Variants in CD274 observed in about 807,000 individuals in gnomAD.
CD274 encodes the protein CD274 molecule.
In CD274, 8 loss-of-function variants were observed where a neutral mutation model predicts 30.1. The observed-to-expected ratio is 0.27, with a 90% CI of 0.16 to 0.48. The LOEUF (loss-of-function observed/expected upper bound fraction) is 0.48. Ranked by LOEUF, CD274 falls within the 20% of genes least tolerant of loss-of-function variation. CD274 has a pLI of 0.99. For missense variants in CD274, 353 were observed against 346.6 expected (o/e 1.02, Z -0.15); for synonymous variants, 152 against 124.6 (o/e 1.22, Z -1.46).
intron 2 of CD274, 58 bp from the exon 3 acceptor site, chr9:5,457,021 T>C (rs1819315681): frequency 8.1e-7 from 1 of 1,235,864 alleles, no homozygotes; most frequent in Non-Finnish European, 1.1e-6. Context: ...CTGTGCCAAT[T>C]TTGTAAATGT....
In CD274 at chr9:5,456,102, C is replaced by T. The variant is rs780161012; in HGVS notation, c.-12C>T. ...CTTTTCGTGTTTTCCATAATTAGGGCATTCCAGAAAGATGAGGATATTTGC... is the reference window on the plus strand; with the variant it reads ...CTTTTCGTGTTTTCCATAATTAGGGTATTCCAGAAAGATGAGGATATTTGC... On this transcript the variant is annotated splice_region_variant and 5_prime_UTR_variant, in exon 2 of 7. Transcript: ENST00000381577. The T allele has an allele frequency of 1.3e-6, 2 of 1,584,278 alleles. No homozygotes were observed. The highest frequency in any genetic ancestry group is 2.2e-5 in the South Asian group (2 of 90,202).
chr9:5,467,183 C>T lies in CD274; in HGVS notation c.850+354C>T, dbSNP rs1242116912. 2.2e-5 allele frequency among the ~76,000 whole-genome samples: 3 copies of T among 138,700 alleles called. No individual in the cohort carries two copies. In the Admixed American group the frequency reaches 2.3e-4, roughly 11 times the overall value. The allele number at this position is 138,700 out of a possible 152,430, so 91.0% of individuals were successfully genotyped here. A position where few individuals can be genotyped will look rare whatever the true frequency, so the allele number is the denominator to read the frequency against. On this transcript the variant is annotated intron_variant, in intron 6 of 6. Coordinates refer to ENST00000381577, the MANE Select transcript of CD274 (RefSeq NM_014143.4). ...CATGCACGGTATCTCATTTAATCCC[C>T]CACCCCTTGCCATTACCAAAGAGAG... is the stretch of plus-strand genomic sequence containing the variant.
At chr9:5,460,884 T>C (rs1327820862) in intron 3 of CD274, among the ~76,000 whole-genome samples, 1 of 152,208 alleles carries the variant, frequency 6.6e-6, no homozygotes, top group African/African-American at 2.4e-5. Context: ...TCTGTTAATA[T>C]ATAAGTTGTA....
At chr9:5,455,608 A>G (rs1239251544) in intron 1 of CD274, among the ~76,000 whole-genome samples, 4 of 152,216 alleles carry the variant, frequency 2.6e-5, no homozygotes, top group African/African-American at 7.2e-5. Flanking sequence ...GAGGACTAGC[A>G]TGGCTGAGAC....
chr9:5,452,904 T>C (rs1377553996), intron 1 of CD274, among the ~76,000 whole-genome samples: 2 of 146,174 alleles, frequency 1.4e-5, no homozygotes, highest in African/African-American at 4.9e-5. Flanking sequence ...GCATTAGGGG[T>C]ATTTTAAGTT....
At chr9:5,457,696 C>A (rs1179102624) in intron 3 of CD274, among the ~76,000 whole-genome samples, 1 of 152,122 alleles carries the variant, frequency 6.6e-6, no homozygotes, top group Non-Finnish European at 1.5e-5. Flanking sequence ...TTTTTTATTA[C>A]AAATGGAATA....
chr9:5,459,476 T>TA (rs1819365967), intron 3 of CD274, among the ~76,000 whole-genome samples: 1 of 152,190 alleles, frequency 6.6e-6, no homozygotes. Flanking sequence ...GTCACCTCCA[T>TA]ATGCAAATGA....
intron 1 of CD274, among the ~76,000 whole-genome samples, chr9:5,454,115 C>G: frequency 6.6e-6 from 1 of 152,118 alleles, no homozygotes; most frequent in East Asian, 1.9e-4. Context: ...GGGGTTCTTT[C>G]CATTATATCA....
chr9:5,468,208 G>T lies in CD274; in HGVS notation c.*346G>T. 5 of 337,130 alleles carry T rather than the reference G, an allele frequency of 1.5e-5. No homozygotes were observed. Among genetic ancestry groups the T allele is most frequent in the Non-Finnish European group, 2.7e-5 (5 of 183,738 alleles). 20.9% of individuals were successfully genotyped at this position (337,130 alleles called of 1,614,324 possible). Reference sequence around the variant, plus strand: ...ACGGGTTGAGAATCCCTAATTTGAGGGTCAGTTCCTGCAGAAGTGCCCTTT... The same window carrying T: ...ACGGGTTGAGAATCCCTAATTTGAGTGTCAGTTCCTGCAGAAGTGCCCTTT... On this transcript the variant is annotated 3_prime_UTR_variant, in exon 7 of 7. Coordinates refer to ENST00000381577, the MANE Select transcript of CD274 (RefSeq NM_014143.4).
At chr9:5,463,190 C>T (rs1245073246) in intron 4 of CD274, 69 bp downstream of exon 4, 4 of 1,155,852 alleles carry the variant, frequency 3.5e-6, no homozygotes, top group Non-Finnish European at 5.1e-6. Context: ...TGATGTCTGC[C>T]TATCATAGTC....
chr9:5,466,093 G>A (rs1239391581), intron 5 of CD274, among the ~76,000 whole-genome samples: 1 of 152,144 alleles, frequency 6.6e-6, no homozygotes, highest in Non-Finnish European at 1.5e-5. Context: ...TAAAATCCAG[G>A]AAAATGAGTA....
chr9:5,469,733 G>T lies in CD274; in HGVS notation c.*1871G>T. 1 of 232,406 alleles carries T rather than the reference G, an allele frequency of 4.3e-6. No homozygotes were observed. The highest frequency in any genetic ancestry group is 8.5e-6 in the Non-Finnish European group (1 of 117,568). 14.4% of individuals were successfully genotyped at this position (232,406 alleles called of 1,614,324 possible). ...GACAACCACCATTTGTTAAGTATTT[G>T]CTCTAGGACAGAGTTTGGATTTGTT... On this transcript the variant is annotated 3_prime_UTR_variant, in exon 7 of 7. Coordinates refer to ENST00000381577, the MANE Select transcript of CD274 (RefSeq NM_014143.4).
intron 4 of CD274, among the ~76,000 whole-genome samples, chr9:5,465,260 T>A (rs1474471538): frequency 6.6e-6 from 1 of 152,220 alleles, no homozygotes; most frequent in Non-Finnish European, 1.5e-5. Flanking sequence ...ACCTCAAAAC[T>A]GGTTAAGGGC....
chr9:5,454,955 G>C (rs1000736188), intron 1 of CD274, among the ~76,000 whole-genome samples: 2 of 152,010 alleles, frequency 1.3e-5, no homozygotes, highest in Admixed American at 6.5e-5. Flanking sequence ...TATATGTTAT[G>C]ACCTTTCACT....
In CD274 at chr9:5,470,400, A is replaced by G; in HGVS notation, c.*2538A>G. 4.3e-6 allele frequency: 1 copy of G among 231,624 alleles called. No individual in the cohort carries two copies. Among genetic ancestry groups the G allele is most frequent in the Non-Finnish European group, 8.5e-6 (1 of 117,006 alleles). 14.3% of individuals were successfully genotyped at this position (231,624 alleles called of 1,614,324 possible). A position where few individuals can be genotyped will look rare whatever the true frequency, so the allele number is the denominator to read the frequency against. ...TCTCATGTTTCATCGTAAATGGCATAGGCAGAGATGATACCTAATTCTGCA... is the reference window on the plus strand; with the variant it reads ...TCTCATGTTTCATCGTAAATGGCATGGGCAGAGATGATACCTAATTCTGCA... On this transcript the variant is annotated 3_prime_UTR_variant, in exon 7 of 7. Coordinates refer to ENST00000381577, the MANE Select transcript of CD274 (RefSeq NM_014143.4).
Position 5,469,260 on chromosome 9 carries a change from G to C in CD274, c.*1398G>C, listed in dbSNP as rs1819547637. Reference sequence around the variant, plus strand: ...TCTAATGCTTGTTTATATAGTGTCTGGTATTGTTTAACAGTTCTGTCTTTT... The same window carrying C: ...TCTAATGCTTGTTTATATAGTGTCTCGTATTGTTTAACAGTTCTGTCTTTT... On this transcript the variant is annotated 3_prime_UTR_variant, in exon 7 of 7. Coordinates refer to ENST00000381577, the MANE Select transcript of CD274 (RefSeq NM_014143.4). The C allele has an allele frequency of 4.3e-6, 1 of 232,572 alleles. No homozygotes were observed. The highest frequency in any genetic ancestry group is 8.5e-6 in the Non-Finnish European group (1 of 117,800). The allele number at this position is 232,572 out of a possible 1,614,324, so 14.4% of individuals were successfully genotyped here.
intron 1 of CD274, among the ~76,000 whole-genome samples, chr9:5,453,937 G>T (rs1391693292): frequency 6.6e-6 from 1 of 152,184 alleles, no homozygotes; most frequent in Non-Finnish European, 1.5e-5. Context: ...ATGTTTCCAG[G>T]CATCACCAGA....
intron 1 of CD274, among the ~76,000 whole-genome samples, 152 bp downstream of exon 1, chr9:5,450,748 C>T (rs1819187923): frequency 6.6e-6 from 1 of 152,206 alleles, no homozygotes. Context: ...GCAGTAGAGC[C>T]AATTACCTGT....
Position 5,470,309 on chromosome 9 carries a change from C to G in CD274, c.*2447C>G, listed in dbSNP as rs1819568421. 4.3e-6 allele frequency: 1 copy of G among 232,564 alleles called. No homozygotes were observed. The highest frequency in any genetic ancestry group is 8.5e-6 in the Non-Finnish European group (1 of 117,604). 14.4% of individuals were successfully genotyped at this position (232,564 alleles called of 1,614,324 possible). On this transcript the variant is annotated 3_prime_UTR_variant, in exon 7 of 7. Transcript: ENST00000381577. ...GGCTGAGCAAGGCACATAGTCTACT[C>G]AGTCTATTCCTAAGTCCTAACTCCT...
Sources: gnomAD v4.1 joint callset for allele counts (sites outside exome capture counted in the v4.1 genomes callset) on GRCh38, gnomAD v4.1.1 for gene constraint, MANE v1.5 for transcripts, NCBI Gene and HGNC (gene_info 2026-07-23, HGNC 2026-07-21) for gene names.